Variants in SLC9A1 observed in about 807,000 individuals in gnomAD.
SLC9A1 encodes the protein solute carrier family 9 member A1.
A neutral mutation model predicts 67.9 loss-of-function variants in SLC9A1; 22 were observed. The observed-to-expected ratio is 0.32, with a 90% CI of 0.23 to 0.46. SLC9A1 has a LOEUF of 0.46. Among genes scored for constraint, SLC9A1 ranks in the 20% least tolerant of loss-of-function variants. The probability of loss-of-function intolerance (pLI) is 1.00; values close to 1 mark genes in which losing one functional copy is unlikely to be tolerated. For synonymous variants in SLC9A1, 421 were observed against 471.8 expected, an observed-to-expected ratio of 0.89 and a Z score of 1.40; for missense variants, 686 against 1,094.8, an observed-to-expected ratio of 0.63 and a Z score of 5.27.
chr1:27,107,765 C>T lies in SLC9A1; in HGVS notation c.1165G>A (p.Val389Ile), dbSNP rs368322522. The T allele has an allele frequency of 9.3e-5, 149 of 1,603,588 alleles. No homozygotes were observed. Among genetic ancestry groups the T allele is most frequent in the East Asian group, 1.3e-4 (6 of 44,628 alleles). Residue 389 changes from valine to isoleucine, a missense_variant, in exon 4 of 12, where the codon GTC becomes ATC. Physicochemically the swap from Val to Ile is conservative, Grantham distance 29 (BLOSUM62 3). Coordinates refer to ENST00000263980, the MANE Select transcript of SLC9A1 (RefSeq NM_003047.5). ...IKYFLKMWSS[V>I]SETLIFIFLG... ...AAGATGAAGATGAGGGTCTCGCTGA[C>T]GCTGCTCCACATCTTCAGGAAGTAT... is the stretch of plus-strand genomic sequence containing the variant.
chr1:27,138,492 C>T lies in SLC9A1; in HGVS notation c.352+15491G>A, dbSNP rs1330583160. On this transcript the variant is annotated intron_variant, in intron 1 of 11. Coordinates refer to ENST00000263980, the MANE Select transcript of SLC9A1 (RefSeq NM_003047.5). ...TCTTCTGTCTTGTTCCTGGCTGTGT[C>T]CTCAGATCCAGAATAGTGTCTGACA... Among the ~76,000 whole-genome samples, 3 of 151,952 alleles carry T rather than the reference C, an allele frequency of 2.0e-5. No homozygotes were observed. In the East Asian group the frequency reaches 5.8e-4, roughly 29 times the overall value.
rs2083549016 is a variant in SLC9A1 at position 27,154,019 on chromosome 1, A to T, written c.316T>A (p.Ser106Thr). Reference sequence around the variant, plus strand: ...AGGCAGGCCAGAAGGATCCAGAGGGAGATCTCGAAGGGGGTGCGCACGTGT... The same window carrying T: ...AGGCAGGCCAGAAGGATCCAGAGGGTGATCTCGAAGGGGGTGCGCACGTGT... The part of the protein sequence containing the change: ...YTHVRTPFEI[S>T]LWILLACLMK... Residue 106 changes from serine to threonine, a missense_variant, in exon 1 of 12, where the codon TCC (serine) becomes ACC (threonine). Ser to Thr is a moderately conservative substitution (Grantham distance 58, BLOSUM62 1). Coordinates refer to ENST00000263980, the MANE Select transcript of SLC9A1 (RefSeq NM_003047.5). The T allele has an allele frequency of 6.3e-7, 1 of 1,588,130 alleles. No homozygotes were observed. Among genetic ancestry groups the T allele is most frequent in the South Asian group, 1.1e-5 (1 of 87,416 alleles).
intron 1 of SLC9A1, among the ~76,000 whole-genome samples, chr1:27,124,068 C>T (rs977812689): frequency 2.0e-5 from 3 of 152,134 alleles, no homozygotes; most frequent in South Asian, 2.1e-4. Flanking sequence ...TCAGGTGCTC[C>T]GTTCCCCACT....
Position 27,101,800 on chromosome 1 carries a change from C to T in SLC9A1, c.1962G>A (p.Leu654=), listed in dbSNP as rs769336958. The T allele has an allele frequency of 1.9e-6, 3 of 1,612,602 alleles. No individual in the cohort carries two copies. The highest frequency in any genetic ancestry group is 1.7e-5 in the Admixed American group (1 of 60,016). The part of the protein sequence containing the change: ...QRLRSYNRHT[L]VADPYEEAWN... Reference sequence around the variant, plus strand: ...AGGCTTCCTCGTAGGGGTCTGCCACCAGCGTGTGTCTGTTGTAGGACCGCA... The same window carrying T: ...AGGCTTCCTCGTAGGGGTCTGCCACTAGCGTGTGTCTGTTGTAGGACCGCA... Residue 654 remains leucine (L), a synonymous_variant, in exon 10 of 12, where the codon CTG becomes CTA. Coordinates refer to ENST00000263980, the MANE Select transcript of SLC9A1 (RefSeq NM_003047.5). The surrounding 1 kb of genome is among the most constrained non-coding windows in gnomAD (Gnocchi z 4.9).
intron 1 of SLC9A1, among the ~76,000 whole-genome samples, chr1:27,131,947 A>AAAAAAAAAAATATATAT: frequency 1.2e-4 from 6 of 52,118 alleles, no homozygotes; most frequent in Non-Finnish European, 1.5e-4. Flanking sequence ...AGAAAAAAAA[A>AAAAAAAAAAATATATAT]ATATATATAT....
At chr1:27,151,359 T>A (rs771158693) in intron 1 of SLC9A1, among the ~76,000 whole-genome samples, 39 of 152,312 alleles carry the variant, frequency 2.6e-4, no homozygotes, top group Admixed American at 7.2e-4. Context: ...CATTTTATTT[T>A]TTTTTATTTA....
chr1:27,107,959 G>T, intron 3 of SLC9A1, 94 bp from the exon 4 acceptor site: 1 of 895,036 alleles, frequency 1.1e-6, no homozygotes, highest in Non-Finnish European at 1.8e-6. Flanking sequence ...CGACCAAGGT[G>T]CCCATGTCCC....
At position 27,118,223 on chromosome 1, in the gene SLC9A1, T is replaced by C. The variant is rs934365382; in HGVS notation, c.353-3937A>G. 1.4e-4 allele frequency among the ~76,000 whole-genome samples: 21 copies of C among 152,132 alleles called. No homozygotes were observed. The highest frequency in any genetic ancestry group is 5.1e-4 in the African/African-American group (21 of 41,422). On this transcript the variant is annotated intron_variant, in intron 1 of 11. Transcript: ENST00000263980. This position sits in a 1 kb window ranked among gnomAD's most constrained non-coding sequence, Gnocchi z 4.3. Reference sequence around the variant, plus strand: ...GAGCTGAAGGAGCTCTAGGCCCTGATGGGCTCTCTGGGCCTGAGGGGAGGG... The same window carrying C: ...GAGCTGAAGGAGCTCTAGGCCCTGACGGGCTCTCTGGGCCTGAGGGGAGGG...
chr1:27,103,077 C>A, intron 6 of SLC9A1, 146 bp downstream of exon 6: 2 of 687,784 alleles, frequency 2.9e-6, no homozygotes, highest in Non-Finnish European at 5.3e-6. Context: ...TATGGCTAGA[C>A]CCTGGCGGCC....
chr1:27,135,525 G>GA (rs36107223), intron 1 of SLC9A1, among the ~76,000 whole-genome samples: 60,265 of 109,850 alleles, frequency 0.55, 17,492 homozygotes, highest in Non-Finnish European at 0.67. Context: ...CTTTTTTCTG[G>GA]AAAAAAAAAA....
Position 27,101,427 on chromosome 1 carries a change from C to T in SLC9A1, c.2038-152G>A. On this transcript the variant is annotated intron_variant, in intron 10 of 11. Coordinates refer to ENST00000263980, the MANE Select transcript of SLC9A1 (RefSeq NM_003047.5). The surrounding 1 kb of genome is among the most constrained non-coding windows in gnomAD (Gnocchi z 4.9). ...TGTGTGGGCACCCGTACTGGCCCCT[C>T]AGGAGCTCCTAAGGGCTCATCCCAG... is the stretch of plus-strand genomic sequence containing the variant. 1.5e-6 allele frequency: 1 copy of T among 657,574 alleles called. No individual in the cohort carries two copies. The highest frequency in any genetic ancestry group is 2.7e-6 in the Non-Finnish European group (1 of 371,504). 40.7% of individuals were successfully genotyped at this position (657,574 alleles called of 1,614,324 possible).
At chr1:27,147,161 A>G (rs1444943455) in intron 1 of SLC9A1, among the ~76,000 whole-genome samples, 1 of 151,844 alleles carries the variant, frequency 6.6e-6, no homozygotes, top group Non-Finnish European at 1.5e-5. Flanking sequence ...TTAGCCAGGC[A>G]TGATGGTTGG....
chr1:27,153,437 T>C (rs574233078), intron 1 of SLC9A1, among the ~76,000 whole-genome samples: 1 of 152,230 alleles, frequency 6.6e-6, no homozygotes, highest in East Asian at 1.9e-4. Flanking sequence ...GAAGGAAAGG[T>C]GGGAATATGG....
In SLC9A1 at chr1:27,101,800, C is replaced by G; in HGVS notation, c.1962G>C (p.Leu654=). ...QRLRSYNRHT[L]VADPYEEAWN... is the part of the protein sequence containing the mutation. ...AGGCTTCCTCGTAGGGGTCTGCCACCAGCGTGTGTCTGTTGTAGGACCGCA... is the reference window on the plus strand; with the variant it reads ...AGGCTTCCTCGTAGGGGTCTGCCACGAGCGTGTGTCTGTTGTAGGACCGCA... The change falls in exon 10 of 12, where the codon CTG becomes CTC. Residue 654 remains leucine (L), a synonymous_variant. Transcript: ENST00000263980. The surrounding 1 kb of genome is among the most constrained non-coding windows in gnomAD (Gnocchi z 4.9). The G allele has an allele frequency of 6.2e-7, 1 of 1,612,602 alleles. No homozygotes were observed. The highest frequency in any genetic ancestry group is 8.5e-7 in the Non-Finnish European group (1 of 1,179,886).
intron 1 of SLC9A1, among the ~76,000 whole-genome samples, chr1:27,126,589 G>A (rs557981476): frequency 3.0e-4 from 45 of 152,240 alleles, no homozygotes; most frequent in Non-Finnish European, 5.0e-4. Context: ...TTAAGAGTCT[G>A]ATGACACGGC....
chr1:27,100,171 C>T lies in SLC9A1; in HGVS notation c.*136G>A. On this transcript the variant is annotated 3_prime_UTR_variant, in exon 12 of 12. Coordinates refer to ENST00000263980, the MANE Select transcript of SLC9A1 (RefSeq NM_003047.5). The surrounding 1 kb of genome is among the most constrained non-coding windows in gnomAD (Gnocchi z 5.6). ...GGGAGGAGCTGTGCTGGGGTGGGGG[C>T]TGTGGGCCCAGCTGCCATGCGGTAG... The T allele has an allele frequency of 1.7e-6, 1 of 605,838 alleles. No individual in the cohort carries two copies. The highest frequency in any genetic ancestry group is 3.0e-5 in the East Asian group (1 of 33,082). The allele number at this position is 605,838 out of a possible 1,614,324, so 37.5% of individuals were successfully genotyped here. A position where few individuals can be genotyped will look rare whatever the true frequency, so the allele number is the denominator to read the frequency against.
chr1:27,126,517 G>GAGCA (rs774002622), intron 1 of SLC9A1, among the ~76,000 whole-genome samples: 9 of 152,236 alleles, frequency 5.9e-5, no homozygotes, highest in Admixed American at 2.0e-4. Context: ...ATACCCCAGG[G>GAGCA]AGCAGAACCC....
At chr1:27,113,154 C>A (rs567041189) in intron 2 of SLC9A1, among the ~76,000 whole-genome samples, 7 of 152,042 alleles carry the variant, frequency 4.6e-5, no homozygotes, top group African/African-American at 1.7e-4. Context: ...TTTGCCCAAG[C>A]TCACATCAAA....
rs1458038608 is a variant in SLC9A1 at position 27,101,976 on chromosome 1, T to C, written c.1935+40A>G. On this transcript the variant is annotated intron_variant, in intron 9 of 11. Coordinates refer to ENST00000263980, the MANE Select transcript of SLC9A1 (RefSeq NM_003047.5). This position sits in a 1 kb window ranked among gnomAD's most constrained non-coding sequence, Gnocchi z 4.9. ...CTGCCGTAGAGAGGGGCTGAAGGGC[T>C]CCTGTACCCTGGGGGTCGGGCTGGG... 1 of 1,524,836 alleles carries C rather than the reference T, an allele frequency of 6.6e-7. No homozygotes were observed. Among genetic ancestry groups the C allele is most frequent in the South Asian group, 1.1e-5 (1 of 89,286 alleles). The allele number at this position is 1,524,836 out of a possible 1,614,324, so 94.5% of individuals were successfully genotyped here. A position where few individuals can be genotyped will look rare whatever the true frequency, so the allele number is the denominator to read the frequency against.
Sources: gnomAD v4.1 joint callset for allele counts (sites outside exome capture counted in the v4.1 genomes callset) on GRCh38, gnomAD v4.1.1 for gene constraint, Gnocchi (gnomAD v3.1) non-coding constraint, MANE v1.5 for transcripts, NCBI Gene and HGNC (gene_info 2026-07-23, HGNC 2026-07-21) for gene names.